The following CNTNAP2 variants were observed in gnomAD, a reference collection of about 807,000 sequenced individuals.
CNTNAP2 encodes the protein contactin-associated protein-like 2.
In CNTNAP2, 98 loss-of-function variants were observed where a neutral mutation model predicts 155.2. That is an observed-to-expected ratio of 0.63 (90% CI 0.54 to 0.75). The LOEUF (loss-of-function observed/expected upper bound fraction) is 0.75. Ranked by LOEUF, CNTNAP2 falls within the 30% of genes least tolerant of loss-of-function variation. CNTNAP2 has a pLI of 0.00. For synonymous variants in CNTNAP2, 651 were observed against 631.2 expected, an observed-to-expected ratio of 1.03 and a Z score of -0.47; for missense variants, 1,727 against 1,688.1, an observed-to-expected ratio of 1.02 and a Z score of -0.40.
intron 13 of CNTNAP2, among the ~76,000 whole-genome samples, chr7:147,745,493 T>C (rs1020140233): frequency 1.3e-5 from 2 of 152,214 alleles, no homozygotes; most frequent in Admixed American, 6.5e-5. Context: ...ACCCCAATCA[T>C]AAACATCTTT....
intron 1 of CNTNAP2, among the ~76,000 whole-genome samples, chr7:146,635,398 T>G (rs1052557657): frequency 1.3e-5 from 2 of 152,112 alleles, no homozygotes; most frequent in Non-Finnish European, 2.9e-5. Context: ...CAGGAGAGCA[T>G]GAAACTCCTG....
chr7:146,873,940 CTTATA>C (rs1242376168), intron 3 of CNTNAP2, among the ~76,000 whole-genome samples: 2 of 151,988 alleles, frequency 1.3e-5, no homozygotes, highest in Non-Finnish European at 2.9e-5. Context: ...GAAAATATAG[CTTATA>C]TTATACCTAC....
chr7:148,144,538 G>A (rs757127165), intron 16 of CNTNAP2, among the ~76,000 whole-genome samples: 1 of 152,184 alleles, frequency 6.6e-6, no homozygotes, highest in Non-Finnish European at 1.5e-5. Flanking sequence ...CTGTGGCCAT[G>A]TTAAACTATG....
intron 13 of CNTNAP2, among the ~76,000 whole-genome samples, chr7:147,679,875 A>G (rs1377431132): frequency 6.6e-6 from 1 of 151,992 alleles, no homozygotes; most frequent in Non-Finnish European, 1.5e-5. Context: ...TCAGGATTGA[A>G]AAAAGGACAG....
rs531956720 is a variant in CNTNAP2 at position 147,628,288 on chromosome 7, T to C, written c.1898-10818T>C. ...ATCAGATTAATAGCAGAATTATCCA[T>C]AGAAACCTTACAAGACAGAAAGAAT... On this transcript the variant is annotated intron_variant, in intron 12 of 23. Transcript: ENST00000361727. 9.9e-5 allele frequency among the ~76,000 whole-genome samples: 15 copies of C among 152,282 alleles called. No homozygotes were observed. In the South Asian group the frequency reaches 2.7e-3, roughly 27 times the overall value.
intron 1 of CNTNAP2, among the ~76,000 whole-genome samples, chr7:146,431,331 C>T (rs1012292737): frequency 2.0e-5 from 3 of 151,898 alleles, no homozygotes; most frequent in African/African-American, 7.2e-5. Flanking sequence ...GTACAGAGCC[C>T]ATAGTTAATA....
At chr7:147,269,034 A>G (rs1370915790) in intron 8 of CNTNAP2, among the ~76,000 whole-genome samples, 1 of 152,168 alleles carries the variant, frequency 6.6e-6, no homozygotes, top group East Asian at 1.9e-4. Context: ...GTGCTTTACT[A>G]GAAATACTTA....
intron 22 of CNTNAP2, among the ~76,000 whole-genome samples, chr7:148,391,882 G>C (rs10226012): frequency 0.25 from 38,347 of 152,102 alleles, 5,528 homozygotes; most frequent in Non-Finnish European, 0.33. Flanking sequence ...TGCACACCAA[G>C]CTGCTTTAAA....
rs150175501 is a variant in CNTNAP2 at position 146,178,698 on chromosome 7, T to G, written c.97+61725T>G. On this transcript the variant is annotated intron_variant, in intron 1 of 23. Transcript: ENST00000361727. Reference sequence around the variant, plus strand: ...GTTTAGATGAAAACAGTACATCTGCTAAATTATTGCTCAAAATATTACATA... The same window carrying G: ...GTTTAGATGAAAACAGTACATCTGCGAAATTATTGCTCAAAATATTACATA... 2.4e-4 allele frequency among the ~76,000 whole-genome samples: 37 copies of G among 152,344 alleles called. 1 individual carries two copies. Among genetic ancestry groups the G allele is most frequent in the African/African-American group, 8.2e-4 (34 of 41,592 alleles).
chr7:146,503,992 G>A (rs1797344176), intron 1 of CNTNAP2, among the ~76,000 whole-genome samples: 1 of 152,188 alleles, frequency 6.6e-6, no homozygotes, highest in African/African-American at 2.4e-5. Context: ...GTGGCTCAAA[G>A]CCAGATACGA....
chr7:147,963,891 T>G (rs1038605980), intron 14 of CNTNAP2, among the ~76,000 whole-genome samples: 1 of 152,098 alleles, frequency 6.6e-6, no homozygotes, highest in Non-Finnish European at 1.5e-5. Flanking sequence ...CCTCAGAAAT[T>G]TATTACCATT....
intron 1 of CNTNAP2, among the ~76,000 whole-genome samples, chr7:146,417,817 A>G (rs1423263213): frequency 6.6e-6 from 1 of 152,146 alleles, no homozygotes; most frequent in East Asian, 1.9e-4. Context: ...GTACCAGGCT[A>G]TTGTCATCAC....
chr7:146,341,184 G>A (rs1445168232), intron 1 of CNTNAP2, among the ~76,000 whole-genome samples: 2 of 151,842 alleles, frequency 1.3e-5, no homozygotes, highest in African/African-American at 4.8e-5. Flanking sequence ...ATTTTTCTAA[G>A]CCTGATCAAT....
chr7:146,630,339 T>C (rs536128852), intron 1 of CNTNAP2, among the ~76,000 whole-genome samples: 46 of 152,186 alleles, frequency 3.0e-4, no homozygotes, highest in Admixed American at 4.6e-4. Context: ...CTGCATAGTA[T>C]TCCATGGTGC....
intron 1 of CNTNAP2, among the ~76,000 whole-genome samples, chr7:146,602,841 G>A (rs1798972313): frequency 6.6e-6 from 1 of 152,150 alleles, no homozygotes; most frequent in African/African-American, 2.4e-5. Flanking sequence ...AGATTGTATA[G>A]GATGGGGGAG....
intron 4 of CNTNAP2, among the ~76,000 whole-genome samples, chr7:147,062,390 G>C (rs1480912382): frequency 2.0e-5 from 3 of 151,912 alleles, no homozygotes; most frequent in Non-Finnish European, 4.4e-5. Context: ...GTTTAGAGCA[G>C]AGTATGCATG....
intron 14 of CNTNAP2, among the ~76,000 whole-genome samples, chr7:147,925,188 A>G (rs1193230333): frequency 1.3e-5 from 2 of 150,110 alleles, no homozygotes; most frequent in Non-Finnish European, 3.0e-5. Context: ...GGAAGGAAGG[A>G]AGGAAGGAAG....
At chr7:146,262,687 TTAG>T (rs2129081783) in intron 1 of CNTNAP2, among the ~76,000 whole-genome samples, 1 of 152,278 alleles carries the variant, frequency 6.6e-6, no homozygotes, top group South Asian at 2.1e-4. Context: ...TAATCAAAGT[TTAG>T]TAACAGTGTG....
chr7:147,177,040 A>C (rs867976453), intron 8 of CNTNAP2, among the ~76,000 whole-genome samples: 1 of 143,540 alleles, frequency 7.0e-6, no homozygotes, highest in East Asian at 2.0e-4. Flanking sequence ...TATAATATAT[A>C]ATAGAATTAT....
Sources: gnomAD v4.1 joint callset for allele counts (sites outside exome capture counted in the v4.1 genomes callset) on GRCh38, gnomAD v4.1.1 for gene constraint, MANE v1.5 for transcripts, NCBI Gene and HGNC (gene_info 2026-07-23, HGNC 2026-07-21) for gene names.